FAM83B: variants seen among roughly 807,000 people sequenced by gnomAD.
FAM83B encodes protein FAM83B.
FAM83B carries 26 observed loss-of-function variants against 38.8 expected under a neutral mutation model. The ratio of observed to expected loss-of-function variants is 0.67; its 90% CI spans 0.49 to 0.93. The LOEUF is 0.93. FAM83B is among the 40% of genes least tolerant of loss of function. The probability of loss-of-function intolerance (pLI) is 0.00; values close to 1 mark genes in which losing one functional copy is unlikely to be tolerated. For synonymous variants in FAM83B, 419 were observed against 423.1 expected (o/e 0.99, Z 0.12); for missense variants, 1,237 against 1,197.3 (o/e 1.03, Z -0.49).
At chr6:54,926,171 G>T (rs73742868) in intron 2 of FAM83B, among the ~76,000 whole-genome samples, 200 bp from the exon 3 acceptor site, 2,397 of 152,124 alleles carry the variant, frequency 0.016, 65 homozygotes, top group African/African-American at 0.054. Context: ...ATGACTTAGT[G>T]TACAAATCTG....
intron 2 of FAM83B, among the ~76,000 whole-genome samples, chr6:54,906,433 G>GGA (rs1294337018): frequency 1.3e-5 from 2 of 152,082 alleles, no homozygotes; most frequent in African/African-American, 4.8e-5. Context: ...TGCCCAGGCT[G>GGA]GAGTACGATG....
At chr6:54,912,581 T>C (rs1052694798) in intron 2 of FAM83B, among the ~76,000 whole-genome samples, 4 of 151,854 alleles carry the variant, frequency 2.6e-5, no homozygotes, top group Admixed American at 2.6e-4. Flanking sequence ...ATTATATTTA[T>C]ATATTGTTTA....
chr6:54,863,153 A>T (rs1371012109), intron 1 of FAM83B, among the ~76,000 whole-genome samples: 1 of 152,172 alleles, frequency 6.6e-6, no homozygotes, highest in Admixed American at 6.6e-5. Flanking sequence ...TCAGAAATCC[A>T]AGTTGTTATC....
chr6:54,918,844 T>TG (rs1773105638), intron 2 of FAM83B, among the ~76,000 whole-genome samples: 1 of 152,156 alleles, frequency 6.6e-6, no homozygotes, highest in Non-Finnish European at 1.5e-5. Context: ...GCCTCCTCTC[T>TG]GTCTTCCAGC....
chr6:54,914,143 G>T (rs549043497), intron 2 of FAM83B, among the ~76,000 whole-genome samples: 1 of 151,954 alleles, frequency 6.6e-6, no homozygotes, highest in Non-Finnish European at 1.5e-5. Context: ...TTGGTAAATA[G>T]TGGTGGGATA....
intron 2 of FAM83B, among the ~76,000 whole-genome samples, chr6:54,873,256 T>A (rs942048650): frequency 6.6e-6 from 1 of 151,660 alleles, no homozygotes; most frequent in African/African-American, 2.4e-5. Context: ...GAATATGTAT[T>A]TCTCAATTAT....
intron 2 of FAM83B, among the ~76,000 whole-genome samples, chr6:54,910,869 G>A (rs889483345): frequency 1.4e-5 from 2 of 138,168 alleles, no homozygotes; most frequent in African/African-American, 4.9e-5. Flanking sequence ...ATACTGCTTT[G>A]AAGAACTGTT....
In FAM83B at chr6:54,941,093, A is replaced by G. The variant is rs144867218; in HGVS notation, c.2122A>G (p.Lys708Glu). 252 of 1,613,412 alleles carry G rather than the reference A, an allele frequency of 1.6e-4. No individual in the cohort carries two copies. The African/African-American group carries it at 3.1e-3, about 20-fold the overall frequency. ...KPKEDLLKSS[K>E]SMHNVTHNLE... ...CAAAGAAGATTTGCTGAAAAGTTCTAAAAGCATGCACAATGTGACTCATAA... is the reference window on the plus strand; with the variant it reads ...CAAAGAAGATTTGCTGAAAAGTTCTGAAAGCATGCACAATGTGACTCATAA... The change falls in exon 5 of 5, where the codon AAA becomes GAA. Residue 708 changes from lysine (K) to glutamate (E), a missense_variant. Coordinates refer to ENST00000306858, the MANE Select transcript of FAM83B (RefSeq NM_001010872.3).
At chr6:54,860,080 G>C (rs1771541303) in intron 1 of FAM83B, among the ~76,000 whole-genome samples, 1 of 151,514 alleles carries the variant, frequency 6.6e-6, no homozygotes. Flanking sequence ...TTTTCCTTTT[G>C]TTTTTGGGTG....
At chr6:54,883,023 A>C (rs1323679327) in intron 2 of FAM83B, among the ~76,000 whole-genome samples, 1 of 152,020 alleles carries the variant, frequency 6.6e-6, no homozygotes, top group Admixed American at 6.6e-5. Flanking sequence ...AGCTCACTGC[A>C]AGCTCCGCCT....
Position 54,846,914 on chromosome 6 carries a change from G to GC in FAM83B, c.-61+88_-61+89insC, listed in dbSNP as rs1771150080. 1.3e-5 allele frequency: 2 copies of GC among 152,080 alleles called. 1 individual carries two copies. The highest frequency in any genetic ancestry group is 2.9e-5 in the Non-Finnish European group (2 of 68,154). The allele number at this position is 152,080 out of a possible 1,614,324, so 9.4% of individuals were successfully genotyped here. On this transcript the variant is annotated intron_variant, in intron 1 of 4. Coordinates refer to ENST00000306858, the MANE Select transcript of FAM83B (RefSeq NM_001010872.3). ...GTTGAGGTGCTTGGGGTACTGGGGG[G>GC]GCCCGGGGCTTCACCCGCCCCTGGC...
chr6:54,889,891 G>A (rs1772362568), intron 2 of FAM83B, among the ~76,000 whole-genome samples: 3 of 152,000 alleles, frequency 2.0e-5, no homozygotes, highest in Non-Finnish European at 4.4e-5. Flanking sequence ...AGTTATGGGT[G>A]TGTATTTCTA....
At chr6:54,859,069 C>A (rs1771513837) in intron 1 of FAM83B, among the ~76,000 whole-genome samples, 1 of 151,834 alleles carries the variant, frequency 6.6e-6, no homozygotes, top group Admixed American at 6.6e-5. Context: ...ACCCCCCAGC[C>A]CCCAGCACTG....
chr6:54,882,083 G>A (rs1772144387), intron 2 of FAM83B, among the ~76,000 whole-genome samples: 1 of 125,478 alleles, frequency 8.0e-6, no homozygotes, highest in Non-Finnish European at 2.0e-5. Flanking sequence ...TCCCTGCAAA[G>A]GACATGAACT....
intron 1 of FAM83B, among the ~76,000 whole-genome samples, chr6:54,869,737 C>T (rs1273644056): frequency 1.3e-5 from 2 of 152,092 alleles, no homozygotes; most frequent in Non-Finnish European, 2.9e-5. Flanking sequence ...CTCATTTTGG[C>T]CTTTAGCAAT....
At chr6:54,864,707 GACAA>G (rs775636279) in intron 1 of FAM83B, among the ~76,000 whole-genome samples, 1 of 152,076 alleles carries the variant, frequency 6.6e-6, no homozygotes, top group Non-Finnish European at 1.5e-5. Context: ...CAAATGAGAA[GACAA>G]ACAATCTTGA....
chr6:54,847,572 A>G (rs1213889153), intron 1 of FAM83B, among the ~76,000 whole-genome samples: 1 of 152,106 alleles, frequency 6.6e-6, no homozygotes, highest in Non-Finnish European at 1.5e-5. Flanking sequence ...GGCCTAGAGC[A>G]GATTGCTCCT....
intron 2 of FAM83B, among the ~76,000 whole-genome samples, chr6:54,913,891 G>T (rs1772973392): frequency 6.8e-6 from 1 of 147,834 alleles, no homozygotes; most frequent in African/African-American, 2.6e-5. Flanking sequence ...CAATGTGATT[G>T]TCTTTTTTTT....
chr6:54,941,871 C>A lies in FAM83B; in HGVS notation c.2900C>A (p.Thr967Asn). The A allele has an allele frequency of 6.2e-7, 1 of 1,614,062 alleles. No homozygotes were observed. The highest frequency in any genetic ancestry group is 8.5e-7 in the Non-Finnish European group (1 of 1,179,986). Residue 967 changes from threonine (T) to asparagine (N), a missense_variant, in exon 5 of 5, where the codon ACT (threonine) becomes AAT (asparagine). Physicochemically the swap from Thr to Asn is moderately conservative, Grantham distance 65 (BLOSUM62 0). Coordinates refer to ENST00000306858, the MANE Select transcript of FAM83B (RefSeq NM_001010872.3). ...SINRPEIKSATMGNSYGRSSP... is the reference protein window; with the variant it reads ...SINRPEIKSANMGNSYGRSSP... The stretch of plus-strand genomic sequence containing the variant: ...AATCGCCCAGAAATAAAATCTGCGA[C>A]TATGGGCAACAGTTATGGCAGGTCT...
Sources: gnomAD v4.1 joint callset for allele counts (sites outside exome capture counted in the v4.1 genomes callset) on GRCh38, gnomAD v4.1.1 for gene constraint, MANE v1.5 for transcripts, NCBI Gene and HGNC (gene_info 2026-07-23, HGNC 2026-07-21) for gene names.